Variants in PCSK2 observed in about 807,000 individuals in gnomAD.
PCSK2 encodes the protein proprotein convertase subtilisin/kexin type 2.
In PCSK2, 14 loss-of-function variants were observed where a neutral mutation model predicts 69.7. That is an observed-to-expected ratio of 0.20 (90% confidence interval 0.13 to 0.31). The LOEUF (loss-of-function observed/expected upper bound fraction) is 0.31, where lower values mean the gene tolerates loss of function less well. Ranked by LOEUF, PCSK2 falls within the 10% of genes least tolerant of loss-of-function variation. PCSK2 has a pLI of 1.00. For missense variants in PCSK2, 544 were observed against 842.5 expected, an observed-to-expected ratio of 0.65 and a Z score of 4.39; for synonymous variants, 307 against 320.7, an observed-to-expected ratio of 0.96 and a Z score of 0.46.
At chr20:17,360,432 G>A (rs1228636922) in intron 3 of PCSK2, 100 bp from the exon 4 acceptor site, 3 of 673,416 alleles carry the variant, frequency 4.5e-6, no homozygotes, top group South Asian at 4.2e-5. Context: ...AGCTGGTCCT[G>A]AAATATTAGA....
intron 7 of PCSK2, among the ~76,000 whole-genome samples, chr20:17,436,229 A>ACTGCCC (rs2032481845): frequency 6.6e-6 from 1 of 151,998 alleles, no homozygotes; most frequent in Non-Finnish European, 1.5e-5. Context: ...CCGCTCCTGC[A>ACTGCCC]CTGCCCCTGC....
In PCSK2 at chr20:17,362,786, C is replaced by T. The variant is rs182743542; in HGVS notation, c.505+2146C>T. 3.3e-5 allele frequency among the ~76,000 whole-genome samples: 5 copies of T among 152,318 alleles called. No homozygotes were observed. The East Asian group carries it at 7.7e-4, about 24-fold the overall frequency. Reference sequence around the variant, plus strand: ...AGGAAATAAACTCTGAATTTGTGGCCATTTTTAATGCATCACATGCTATTC... The same window carrying T: ...AGGAAATAAACTCTGAATTTGTGGCTATTTTTAATGCATCACATGCTATTC... On this transcript the variant is annotated intron_variant, in intron 4 of 11. Transcript: ENST00000262545.
intron 5 of PCSK2, among the ~76,000 whole-genome samples, chr20:17,395,861 T>A (rs962937475): frequency 1.3e-5 from 2 of 152,314 alleles, no homozygotes; most frequent in South Asian, 4.1e-4. Flanking sequence ...ATCAGTGAAC[T>A]CATCTTTGCT....
intron 6 of PCSK2, among the ~76,000 whole-genome samples, chr20:17,424,125 A>T (rs1182956763): frequency 6.6e-6 from 1 of 152,234 alleles, no homozygotes; most frequent in African/African-American, 2.4e-5. Flanking sequence ...TGTAATAGCA[A>T]GCAAATTGCA....
intron 2 of PCSK2, among the ~76,000 whole-genome samples, chr20:17,260,796 C>T (rs1215724723): frequency 1.3e-5 from 2 of 152,160 alleles, no homozygotes; most frequent in African/African-American, 4.8e-5. Context: ...CAGCTCACAG[C>T]AGGCAGTGGA....
chr20:17,301,338 G>A (rs1989075952), intron 2 of PCSK2, among the ~76,000 whole-genome samples: 1 of 152,048 alleles, frequency 6.6e-6, no homozygotes, highest in Admixed American at 6.5e-5. Flanking sequence ...GGAGGAGGAG[G>A]GCTCTGATAT....
At position 17,456,502 on chromosome 20, in the gene PCSK2, G is replaced by T. The variant is rs1002747771; in HGVS notation, c.1202+54G>T. On this transcript the variant is annotated intron_variant, in intron 10 of 11. Transcript: ENST00000262545. ...AGCTCTGCAGGGTGGACTAACACGTGTCTCTCTGCCCACATGCCAGGTGTC... is the reference window on the plus strand; with the variant it reads ...AGCTCTGCAGGGTGGACTAACACGTTTCTCTCTGCCCACATGCCAGGTGTC... 8.5e-6 allele frequency: 8 copies of T among 946,204 alleles called. No individual in the cohort carries two copies. In the Admixed American group the frequency reaches 1.3e-4, roughly 16 times the overall value. The allele number at this position is 946,204 out of a possible 1,614,324, so 58.6% of individuals were successfully genotyped here. A position where few individuals can be genotyped will look rare whatever the true frequency, so the allele number is the denominator to read the frequency against.
At chr20:17,334,425 C>T (rs893161864) in intron 2 of PCSK2, among the ~76,000 whole-genome samples, 2 of 152,250 alleles carry the variant, frequency 1.3e-5, no homozygotes, top group East Asian at 1.9e-4. Flanking sequence ...TTGGGTATGC[C>T]ACATAATTCC....
At chr20:17,337,646 A>T (rs2123165193) in intron 2 of PCSK2, among the ~76,000 whole-genome samples, 1 of 152,108 alleles carries the variant, frequency 6.6e-6, no homozygotes, top group South Asian at 2.1e-4. Flanking sequence ...GCATTGGGAG[A>T]GGTGTGCAGT....
At chr20:17,347,384 A>G (rs1162104357) in intron 2 of PCSK2, among the ~76,000 whole-genome samples, 1 of 152,086 alleles carries the variant, frequency 6.6e-6, no homozygotes, top group Non-Finnish European at 1.5e-5. Context: ...CAAAGCCAGC[A>G]GTTGGCGGCA....
chr20:17,268,296 G>C (rs1437840382), intron 2 of PCSK2, among the ~76,000 whole-genome samples: 1 of 151,956 alleles, frequency 6.6e-6, no homozygotes, highest in Non-Finnish European at 1.5e-5. Context: ...CAATGAAGGA[G>C]AGAAACAAAA....
chr20:17,248,307 C>T lies in PCSK2; in HGVS notation c.178-11933C>T, dbSNP rs908310163. On this transcript the variant is annotated intron_variant, in intron 1 of 11. Transcript: ENST00000262545. ...CTCAGGTGAATGTTTGGGAATCTAC[C>T]ACTGTGTTCAATATGTCTTTGCTAT... Among the ~76,000 whole-genome samples the T allele has an allele frequency of 4.6e-5, 7 of 151,994 alleles. No homozygotes were observed. In the East Asian group the frequency reaches 1.3e-3, roughly 29 times the overall value.
chr20:17,465,747 C>A (rs1294967498), intron 11 of PCSK2, among the ~76,000 whole-genome samples, 194 bp downstream of exon 11: 2 of 152,140 alleles, frequency 1.3e-5, no homozygotes, highest in Non-Finnish European at 2.9e-5. Context: ...CAGCTCACTG[C>A]AGCCTTGAAC....
chr20:17,400,852 CCAGAGCTG>C (rs1161152031), intron 5 of PCSK2, among the ~76,000 whole-genome samples: 1 of 152,122 alleles, frequency 6.6e-6, no homozygotes, highest in Non-Finnish European at 1.5e-5. Flanking sequence ...TCATTCTTTG[CCAGAGCTG>C]CAGAGTTTTG....
chr20:17,403,509 A>G (rs1274753032), intron 5 of PCSK2, among the ~76,000 whole-genome samples: 1 of 152,246 alleles, frequency 6.6e-6, no homozygotes, highest in Non-Finnish European at 1.5e-5. Flanking sequence ...CTCAGTTTCC[A>G]TACAGATGAG....
intron 2 of PCSK2, among the ~76,000 whole-genome samples, chr20:17,312,614 T>G (rs899886249): frequency 6.6e-5 from 10 of 152,038 alleles, no homozygotes; most frequent in African/African-American, 9.7e-5. Context: ...CACTGTCCTA[T>G]GCACTGTTCT....
chr20:17,306,182 T>G (rs1254943262), intron 2 of PCSK2, among the ~76,000 whole-genome samples: 1 of 152,222 alleles, frequency 6.6e-6, no homozygotes, highest in Non-Finnish European at 1.5e-5. Flanking sequence ...GTGCAAAGTT[T>G]ATGTGAATTC....
intron 1 of PCSK2, among the ~76,000 whole-genome samples, chr20:17,229,070 C>T (rs1037362839): frequency 1.3e-5 from 2 of 152,002 alleles, no homozygotes; most frequent in African/African-American, 4.8e-5. Context: ...GACCCAAACG[C>T]CATTATAAAA....
intron 5 of PCSK2, among the ~76,000 whole-genome samples, chr20:17,401,355 T>C (rs1299669814): frequency 6.6e-6 from 1 of 152,114 alleles, no homozygotes; most frequent in Non-Finnish European, 1.5e-5. Context: ...CTGTTCCTCA[T>C]ACACAAGGAC....
Sources: gnomAD v4.1 joint callset for allele counts (sites outside exome capture counted in the v4.1 genomes callset) on GRCh38, gnomAD v4.1.1 for gene constraint, MANE v1.5 for transcripts, NCBI Gene and HGNC (gene_info 2026-07-23, HGNC 2026-07-21) for gene names.